CCDC170: variants seen among roughly 807,000 people sequenced by gnomAD.
CCDC170 encodes coiled-coil domain-containing protein 170.
A neutral mutation model predicts 72.6 loss-of-function variants in CCDC170; 69 were observed. The ratio of observed to expected loss-of-function variants is 0.95; its 90% CI spans 0.78 to 1.16. The LOEUF is 1.16. CCDC170 is among the 50% of genes most tolerant of loss of function. The pLI, the probability that CCDC170 is intolerant of heterozygous loss-of-function variation, is 0.00. For synonymous variants in CCDC170, 300 were observed against 303.9 expected (o/e 0.99, Z 0.13); for missense variants, 852 against 832.5 (o/e 1.02, Z -0.29).
At chr6:151,494,831 G>A (rs566627545) in intron 1 of CCDC170, among the ~76,000 whole-genome samples, 9 of 152,266 alleles carry the variant, frequency 5.9e-5, no homozygotes, top group African/African-American at 2.2e-4. Flanking sequence ...ACACGAACAC[G>A]GGCATATGCA....
chr6:151,576,346 C>T (rs537698029), intron 6 of CCDC170, among the ~76,000 whole-genome samples: 51 of 151,864 alleles, frequency 3.4e-4, no homozygotes, highest in Middle Eastern at 6.9e-3. Flanking sequence ...TCAACTAACA[C>T]GTCTTTGTTG....
At position 151,617,988 on chromosome 6, in the gene CCDC170, G is replaced by C; in HGVS notation, c.1989G>C (p.Leu663Phe). Residue 663 changes from leucine to phenylalanine, a missense_variant, in exon 11 of 11, where the codon TTG becomes TTC. Physicochemically the swap from Leu to Phe is conservative, Grantham distance 22. Coordinates refer to ENST00000239374, the MANE Select transcript of CCDC170 (RefSeq NM_025059.4). ...AGGTGGTGTCGCAGATGCTAGGCTTGAACGTGACCAGCCTTGCTCTTCCTG... is the reference window on the plus strand; with the variant it reads ...AGGTGGTGTCGCAGATGCTAGGCTTCAACGTGACCAGCCTTGCTCTTCCTG... Reference protein sequence around the residue: ...FREVVSQMLGLNVTSLALPDY... With the variant: ...FREVVSQMLGFNVTSLALPDY... 1.2e-6 allele frequency: 2 copies of C among 1,614,102 alleles called. No homozygotes were observed. The highest frequency in any genetic ancestry group is 1.7e-6 in the Non-Finnish European group (2 of 1,179,994).
intron 1 of CCDC170, among the ~76,000 whole-genome samples, chr6:151,515,762 A>C (rs769468944): frequency 2.0e-5 from 3 of 152,210 alleles, no homozygotes; most frequent in Non-Finnish European, 4.4e-5. Flanking sequence ...GCTTTGCAGG[A>C]CCACTTAAAA....
intron 1 of CCDC170, among the ~76,000 whole-genome samples, chr6:151,524,615 A>C (rs1205511823): frequency 6.6e-6 from 1 of 152,226 alleles, no homozygotes; most frequent in Non-Finnish European, 1.5e-5. Context: ...TTTTCTTTAA[A>C]AATTAGAACA....
Position 151,615,495 on chromosome 6 carries a change from A to T in CCDC170, c.1763A>T (p.Asp588Val). The T allele has an allele frequency of 6.2e-7, 1 of 1,614,142 alleles. No homozygotes were observed. The highest frequency in any genetic ancestry group is 8.5e-7 in the Non-Finnish European group (1 of 1,179,974). The stretch of plus-strand genomic sequence containing the variant: ...ATTGAAGATCTAAACAAATCCAGAG[A>T]CCAACTGGAGAAGATGAAGGAGAAA... Reference protein sequence around the residue: ...KAIEDLNKSRDQLEKMKEKAE... With the variant: ...KAIEDLNKSRVQLEKMKEKAE... Residue 588 changes from aspartate (D) to valine (V), a missense_variant, in exon 10 of 11, where the codon GAC (aspartate) becomes GTC (valine). Coordinates refer to ENST00000239374, the MANE Select transcript of CCDC170 (RefSeq NM_025059.4).
intron 1 of CCDC170, among the ~76,000 whole-genome samples, chr6:151,512,077 A>G (rs927496698): frequency 5.9e-5 from 9 of 151,876 alleles, no homozygotes; most frequent in Non-Finnish European, 1.2e-4. Context: ...ACTCCTGAGC[A>G]TAAGCAATCC....
intron 5 of CCDC170, among the ~76,000 whole-genome samples, chr6:151,561,546 C>A (rs929820118): frequency 9.9e-5 from 15 of 151,998 alleles, no homozygotes; most frequent in African/African-American, 3.6e-4. Flanking sequence ...ACCTCAATCT[C>A]TTCTGGCTTG....
chr6:151,524,996 A>C (rs562078732), intron 1 of CCDC170, among the ~76,000 whole-genome samples: 2 of 137,378 alleles, frequency 1.5e-5, no homozygotes, highest in Admixed American at 1.6e-4. Flanking sequence ...GCAGTGGTGC[A>C]ATCTCGGCTC....
At chr6:151,594,326 A>G (rs1021884524) in intron 8 of CCDC170, among the ~76,000 whole-genome samples, 1 of 152,160 alleles carries the variant, frequency 6.6e-6, no homozygotes, top group African/African-American at 2.4e-5. Flanking sequence ...CATATTTAAG[A>G]TGGGGATGCT....
chr6:151,574,479 C>T (rs903387500), intron 6 of CCDC170, among the ~76,000 whole-genome samples: 12 of 152,250 alleles, frequency 7.9e-5, no homozygotes, highest in African/African-American at 2.6e-4. Context: ...TTGGGGCCCA[C>T]GGTGTTTTTG....
intron 1 of CCDC170, among the ~76,000 whole-genome samples, chr6:151,497,997 A>G (rs1326813952): frequency 6.6e-6 from 1 of 152,036 alleles, no homozygotes; most frequent in Non-Finnish European, 1.5e-5. Context: ...TAATTATAAA[A>G]TAGGATCACC....
chr6:151,531,012 C>T (rs1348893402), intron 1 of CCDC170, among the ~76,000 whole-genome samples: 2 of 152,022 alleles, frequency 1.3e-5, no homozygotes, highest in East Asian at 3.9e-4. Context: ...ACTTTAAATT[C>T]TGCTTACACA....
chr6:151,617,261 C>T (rs1776982853), intron 10 of CCDC170, among the ~76,000 whole-genome samples: 1 of 152,206 alleles, frequency 6.6e-6, no homozygotes, highest in Non-Finnish European at 1.5e-5. Context: ...TCCCCAGCCC[C>T]TACTTTTCTT....
At chr6:151,605,056 C>A (rs75251471) in intron 9 of CCDC170, among the ~76,000 whole-genome samples, 1 of 152,264 alleles carries the variant, frequency 6.6e-6, no homozygotes, top group South Asian at 2.1e-4. Context: ...CTGCCCCCAC[C>A]CTTCCCAGCC....
At chr6:151,550,576 T>C (rs866838181) in intron 5 of CCDC170, among the ~76,000 whole-genome samples, 2 of 152,184 alleles carry the variant, frequency 1.3e-5, no homozygotes, top group South Asian at 4.1e-4. Flanking sequence ...AAGTGCAAAG[T>C]TTATTATTGT....
At chr6:151,509,875 A>G (rs1198462754) in intron 1 of CCDC170, among the ~76,000 whole-genome samples, 2 of 152,230 alleles carry the variant, frequency 1.3e-5, no homozygotes, top group Non-Finnish European at 2.9e-5. Flanking sequence ...CTGTAATCCC[A>G]GCACTTTGGG....
chr6:151,569,219 G>T (rs901098198), intron 5 of CCDC170, among the ~76,000 whole-genome samples: 1 of 152,106 alleles, frequency 6.6e-6, no homozygotes, highest in Non-Finnish European at 1.5e-5. Context: ...CTTTTGAGTG[G>T]CAATTTGATC....
intron 10 of CCDC170, among the ~76,000 whole-genome samples, chr6:151,616,039 A>C (rs1322608172): frequency 6.6e-6 from 1 of 152,180 alleles, no homozygotes. Context: ...GTAGGAAAGG[A>C]AAAGACATTC....
Position 151,503,577 on chromosome 6 carries a change from C to G in CCDC170, c.57+9392C>G, listed in dbSNP as rs188208674. Reference sequence around the variant, plus strand: ...AAGCAATTCTCCTGCCTCAGCCTCCCGAGTAGCTGGGGTTACAGGCATGCA... The same window carrying G: ...AAGCAATTCTCCTGCCTCAGCCTCCGGAGTAGCTGGGGTTACAGGCATGCA... On this transcript the variant is annotated intron_variant, in intron 1 of 10. Coordinates refer to ENST00000239374, the MANE Select transcript of CCDC170 (RefSeq NM_025059.4). Among the ~76,000 whole-genome samples the G allele has an allele frequency of 4.0e-4, 61 of 152,112 alleles. 1 individual carries two copies. The highest frequency in any genetic ancestry group is 1.2e-3 in the African/African-American group (51 of 41,482).
Sources: gnomAD v4.1 joint callset for allele counts (sites outside exome capture counted in the v4.1 genomes callset) on GRCh38, gnomAD v4.1.1 for gene constraint, MANE v1.5 for transcripts, NCBI Gene and HGNC (gene_info 2026-07-23, HGNC 2026-07-21) for gene names.